SIPA1L2: variants seen among roughly 807,000 people sequenced by gnomAD.
The protein encoded by SIPA1L2 is signal-induced proliferation-associated 1-like protein 2.
In SIPA1L2, 56 loss-of-function variants were observed where a neutral mutation model predicts 163.9. The ratio of observed to expected loss-of-function variants is 0.34; its 90% CI spans 0.28 to 0.43. SIPA1L2 has a LOEUF of 0.43. SIPA1L2 is among the 20% of genes least tolerant of loss of function. The pLI is 1.00. For synonymous variants in SIPA1L2, 877 were observed against 865.7 expected (o/e 1.01, Z -0.23); for missense variants, 1,974 against 2,193.5 (o/e 0.90, Z 2.00).
Position 232,464,921 on chromosome 1 carries a change from A to G in SIPA1L2, c.2739T>C (p.Phe913=). 1.2e-6 allele frequency: 2 copies of G among 1,614,206 alleles called. No individual in the cohort carries two copies. The highest frequency in any genetic ancestry group is 1.7e-6 in the Non-Finnish European group (2 of 1,180,028). The change falls in exon 9 of 23, where the codon TTT becomes TTC. Residue 913 remains phenylalanine (F), a synonymous_variant. Coordinates refer to ENST00000674635, the MANE Select transcript of SIPA1L2 (RefSeq NM_020808.5). The part of the protein sequence containing the change: ...WTSGLVSIKV[F]YERGECVLLS... ...GGAGGACACATTCTCCTCTTTCGTA[A>G]AACACTTTGATACTCACTAATCCAG...
Position 232,445,740 on chromosome 1 carries a change from C to T in SIPA1L2, c.3142G>A (p.Asp1048Asn), listed in dbSNP as rs192387110. Reference sequence around the variant, plus strand: ...TACTCGCAGGGGGTGCCCTCGCTGTCGAGTTTATATTCCACCATAGGGATC... The same window carrying T: ...TACTCGCAGGGGGTGCCCTCGCTGTTGAGTTTATATTCCACCATAGGGATC... ...CRIPMVEYKLDSEGTPCEYKT... is the reference protein window; with the variant it reads ...CRIPMVEYKLNSEGTPCEYKT... Residue 1048 changes from aspartate (D) to asparagine (N), a missense_variant, in exon 11 of 23, where the codon GAC (aspartate) becomes AAC (asparagine). This residue lies in a region of SIPA1L2 where 1,079 missense variants were observed against 1,150.7 expected (regional missense o/e 0.94). Coordinates refer to ENST00000674635, the MANE Select transcript of SIPA1L2 (RefSeq NM_020808.5). The T allele has an allele frequency of 2.4e-4, 386 of 1,613,604 alleles. No individual in the cohort carries two copies. The highest frequency in any genetic ancestry group is 3.1e-4 in the Non-Finnish European group (362 of 1,179,922).
chr1:232,516,133 C>T (rs1200890208), intron 2 of SIPA1L2, among the ~76,000 whole-genome samples: 1 of 152,194 alleles, frequency 6.6e-6, no homozygotes, highest in African/African-American at 2.4e-5. Context: ...TCTTTCAAAA[C>T]AGTTAAACTC....
At chr1:232,466,562 G>A (rs1038614672) in intron 8 of SIPA1L2, among the ~76,000 whole-genome samples, 18 of 152,126 alleles carry the variant, frequency 1.2e-4, no homozygotes, top group Non-Finnish European at 1.2e-4. Flanking sequence ...AGGTCGAAGC[G>A]GGTGGATCAT....
intron 19 of SIPA1L2, among the ~76,000 whole-genome samples, chr1:232,415,259 C>T (rs141184234): frequency 6.9e-4 from 105 of 152,310 alleles, no homozygotes; most frequent in African/African-American, 2.4e-3. Flanking sequence ...AGCTAGAATT[C>T]GGGTTTTCAG....
chr1:232,525,805 T>C (rs1480965176), intron 2 of SIPA1L2, among the ~76,000 whole-genome samples: 5 of 152,068 alleles, frequency 3.3e-5, no homozygotes, highest in Admixed American at 6.5e-5. Context: ...CACACATAAG[T>C]ACTCCAGAAG....
chr1:232,534,651 A>C (rs1573041526), intron 2 of SIPA1L2, among the ~76,000 whole-genome samples: 1 of 152,230 alleles, frequency 6.6e-6, no homozygotes, highest in East Asian at 1.9e-4. Flanking sequence ...GTATCTGATA[A>C]GCAGGAGTGT....
intron 2 of SIPA1L2, among the ~76,000 whole-genome samples, chr1:232,536,411 T>C (rs891258985): frequency 6.6e-6 from 1 of 152,180 alleles, no homozygotes; most frequent in African/African-American, 2.4e-5. Flanking sequence ...CAAAACTATA[T>C]TCTAGCCGTA....
At chr1:232,550,242 G>GTGC (rs1658296257) in intron 2 of SIPA1L2, among the ~76,000 whole-genome samples, 1 of 152,196 alleles carries the variant, frequency 6.6e-6, no homozygotes, top group African/African-American at 2.4e-5. Context: ...GAAGGTTTAA[G>GTGC]TAATCAAGAT....
chr1:232,435,645 A>G (rs1662516680), intron 15 of SIPA1L2, among the ~76,000 whole-genome samples: 1 of 152,128 alleles, frequency 6.6e-6, no homozygotes, highest in African/African-American at 2.4e-5. Flanking sequence ...TTTGCAGTTG[A>G]TTTATTTCAT....
intron 2 of SIPA1L2, among the ~76,000 whole-genome samples, chr1:232,567,161 C>T (rs1286241192): frequency 6.6e-6 from 1 of 152,172 alleles, no homozygotes; most frequent in African/African-American, 2.4e-5. Context: ...CACAAAGCCT[C>T]CCTGGGCCTT....
At chr1:232,406,804 G>A (rs1321793191) in intron 19 of SIPA1L2, among the ~76,000 whole-genome samples, 1 of 152,174 alleles carries the variant, frequency 6.6e-6, no homozygotes, top group African/African-American at 2.4e-5. Context: ...CCAGATACAT[G>A]CCAGATGGAA....
intron 3 of SIPA1L2, among the ~76,000 whole-genome samples, chr1:232,496,862 T>C (rs1558223492): frequency 6.6e-6 from 1 of 152,162 alleles, no homozygotes; most frequent in Admixed American, 6.5e-5. Flanking sequence ...ACAACAGTCA[T>C]AAGACAAAAG....
At chr1:232,460,662 C>T (rs1377830448) in intron 10 of SIPA1L2, among the ~76,000 whole-genome samples, 2 of 152,184 alleles carry the variant, frequency 1.3e-5, no homozygotes, top group African/African-American at 2.4e-5. Context: ...CATTAAAATG[C>T]TTAGCAAATT....
At chr1:232,572,753 AT>A (rs1659848281) in intron 2 of SIPA1L2, among the ~76,000 whole-genome samples, 2 of 110,332 alleles carry the variant, frequency 1.8e-5, no homozygotes, top group African/African-American at 6.5e-5. Context: ...ATATATATAT[AT>A]ATATATATAT....
At chr1:232,431,527 C>A (rs1023585922) in intron 16 of SIPA1L2, among the ~76,000 whole-genome samples, 3 of 152,222 alleles carry the variant, frequency 2.0e-5, no homozygotes, top group African/African-American at 7.2e-5. Flanking sequence ...CAGCACCACA[C>A]GCCTGATGAC....
intron 16 of SIPA1L2, among the ~76,000 whole-genome samples, chr1:232,429,090 C>A (rs1456250364): frequency 4.6e-5 from 7 of 152,100 alleles, no homozygotes; most frequent in African/African-American, 1.4e-4. Context: ...ATAAAGCAGC[C>A]GTCTCCCTTA....
At chr1:232,480,982 A>G (rs1665324641) in intron 6 of SIPA1L2, among the ~76,000 whole-genome samples, 2 of 152,206 alleles carry the variant, frequency 1.3e-5, no homozygotes, top group African/African-American at 4.8e-5. Flanking sequence ...GAGTTCTTAG[A>G]TGCTCCAAAA....
In SIPA1L2 at chr1:232,404,155, CCA is replaced by C; in HGVS notation, c.4784_4785del (p.Leu1595ArgfsTer222). 1 of 1,614,020 alleles carries C rather than the reference CCA, an allele frequency of 6.2e-7. No individual in the cohort carries two copies. Among genetic ancestry groups the C allele is most frequent in the East Asian group, 2.2e-5 (1 of 44,872 alleles). On this transcript the variant is annotated frameshift_variant, in exon 20 of 23. Coordinates refer to ENST00000674635, the MANE Select transcript of SIPA1L2 (RefSeq NM_020808.5). LOFTEE classifies it high-confidence loss of function. ...TAGGACGTGTGGTGACAGAGCAGCC[CCA>C]GTTCTTCATCTGAGTCAAGACCTGA... ...AFEGLDSDEE[L>X]GLLCHHTSYL... is the part of the protein sequence containing the mutation.
chr1:232,445,284 T>C (rs969301285), intron 11 of SIPA1L2, among the ~76,000 whole-genome samples: 4 of 152,184 alleles, frequency 2.6e-5, no homozygotes, highest in Non-Finnish European at 4.4e-5. Context: ...GGAAGGATAC[T>C]GGATGAAGAG....
Sources: allele counts gnomAD v4.1 joint callset (sites outside exome capture counted in the v4.1 genomes callset), GRCh38; gene constraint gnomAD v4.1.1; regional missense constraint gnomAD v4.1.1; transcripts MANE v1.5; gene names NCBI Gene and HGNC (gene_info 2026-07-23, HGNC 2026-07-21).